The following NAA15 variants were observed in gnomAD, a reference collection of about 807,000 sequenced individuals.
The protein encoded by NAA15 is N-alpha-acetyltransferase 15, NatA auxiliary subunit.
NAA15 carries 34 observed loss-of-function variants against 114.0 expected under a neutral mutation model. That is an observed-to-expected ratio of 0.30 (90% confidence interval 0.23 to 0.40). The LOEUF (loss-of-function observed/expected upper bound fraction) is 0.40, where lower values mean the gene tolerates loss of function less well. Ranked by LOEUF, NAA15 falls within the 10% of genes least tolerant of loss-of-function variation. The pLI is 1.00. For missense variants in NAA15, 658 were observed against 1,004.5 expected, an observed-to-expected ratio of 0.66 and a Z score of 4.66; for synonymous variants, 340 against 338.0, an observed-to-expected ratio of 1.01 and a Z score of -0.06.
At chr4:139,377,193 C>T (rs12508302) in intron 16 of NAA15, among the ~76,000 whole-genome samples, 33,736 of 152,032 alleles carry the variant, frequency 0.22, 4,123 homozygotes, top group South Asian at 0.39. Context: ...AGTATATCTA[C>T]TAAAGGAAAT....
In NAA15 at chr4:139,315,093, C is replaced by T. The variant is rs1402224628; in HGVS notation, c.54+13262C>T. Among the ~76,000 whole-genome samples the T allele has an allele frequency of 3.4e-5, 4 of 118,284 alleles. No individual in the cohort carries two copies. The South Asian group carries it at 9.2e-4, about 27-fold the overall frequency. The allele number at this position is 118,284 out of a possible 152,430, so 77.6% of individuals were successfully genotyped here. A position where few individuals can be genotyped will look rare whatever the true frequency, so the allele number is the denominator to read the frequency against. ...TAGTTTAGTTTTTGAGACGGAGTCTCGCTCTTTCACCCAGGCTGGAGTGCA... is the reference window on the plus strand; with the variant it reads ...TAGTTTAGTTTTTGAGACGGAGTCTTGCTCTTTCACCCAGGCTGGAGTGCA... On this transcript the variant is annotated intron_variant, in intron 1 of 19. Transcript: ENST00000296543.
intron 11 of NAA15, among the ~76,000 whole-genome samples, chr4:139,358,149 TTAAG>T (rs1293386047): frequency 1.3e-5 from 2 of 151,862 alleles, no homozygotes; most frequent in African/African-American, 2.4e-5. Flanking sequence ...AATAATGAAA[TTAAG>T]TAATATTTAA....
At chr4:139,361,383 T>C (rs1307248296) in intron 13 of NAA15, among the ~76,000 whole-genome samples, 2 of 152,186 alleles carry the variant, frequency 1.3e-5, no homozygotes, top group Non-Finnish European at 2.9e-5. Flanking sequence ...ATGTTTAACA[T>C]GTGAGTCTAC....
At chr4:139,370,470 CTG>C (rs1423811118) in intron 15 of NAA15, 66 bp downstream of exon 15, 2 of 1,453,392 alleles carry the variant, frequency 1.4e-6, no homozygotes, top group Non-Finnish European at 1.8e-6. Flanking sequence ...CATTTTTATA[CTG>C]TCTTATTTGA....
chr4:139,321,921 C>T (rs1221991548), intron 1 of NAA15, among the ~76,000 whole-genome samples: 2 of 151,952 alleles, frequency 1.3e-5, no homozygotes, highest in Non-Finnish European at 2.9e-5. Context: ...ATTTCTTTCT[C>T]CTGTAGGTCA....
chr4:139,355,745 T>C (rs1167529425), intron 10 of NAA15, among the ~76,000 whole-genome samples: 2 of 152,188 alleles, frequency 1.3e-5, no homozygotes, highest in Non-Finnish European at 2.9e-5. Flanking sequence ...AGATTCAATA[T>C]TGTTTTGATG....
At position 139,378,780 on chromosome 4, in the gene NAA15, C is replaced by A; in HGVS notation, c.2081C>A (p.Ser694Ter). 2 of 1,561,338 alleles carry A rather than the reference C, an allele frequency of 1.3e-6. No homozygotes were observed. Among genetic ancestry groups the A allele is most frequent in the Non-Finnish European group, 1.7e-6 (2 of 1,162,288 alleles). Residue 694 changes from serine (S) to a stop codon, truncating the protein, a stop_gained, in exon 17 of 20, where the codon TCA becomes TAA. Coordinates refer to ENST00000296543, the MANE Select transcript of NAA15 (RefSeq NM_057175.5). LOFTEE classifies it high-confidence loss of function. ...RKEKFLLMLQ[S>*]VKRAFAIDSS... ...GAAAAGTTTCTTTTGATGCTACAAT[C>A]AGTAAAGAGGGCATTTGCTATTGAT...
At chr4:139,352,172 G>A (rs1331183449) in intron 9 of NAA15, among the ~76,000 whole-genome samples, 2 of 151,940 alleles carry the variant, frequency 1.3e-5, no homozygotes, top group African/African-American at 2.4e-5. Flanking sequence ...GTAGTGGCAT[G>A]ACCTCAGCTC....
intron 2 of NAA15, among the ~76,000 whole-genome samples, chr4:139,334,525 T>C (rs923250339): frequency 6.6e-6 from 1 of 152,220 alleles, no homozygotes; most frequent in Non-Finnish European, 1.5e-5. Context: ...AAATTTACTT[T>C]AGAACTTTGG....
rs1748582912 is a variant in NAA15, at chr4:139,376,419, G to T, written c.2002G>T (p.Val668Leu). Residue 668 changes from valine to leucine, a missense_variant, in exon 16 of 20, where the codon GTG (valine) becomes TTG (leucine). Val to Leu is a conservative substitution (Grantham distance 32). Coordinates refer to ENST00000296543, the MANE Select transcript of NAA15 (RefSeq NM_057175.5). Reference sequence around the variant, plus strand: ...ATTTTTAACACCGTTGAAGAACTTGGTGAAGAACAAGATAGAGACTCATCT... The same window carrying T: ...ATTTTTAACACCGTTGAAGAACTTGTTGAAGAACAAGATAGAGACTCATCT... ...IKFLTPLKNL[V>L]KNKIETHLFA... 11 of 1,613,246 alleles carry T rather than the reference G, an allele frequency of 6.8e-6. No homozygotes were observed. Among genetic ancestry groups the T allele is most frequent in the Non-Finnish European group, 9.3e-6 (11 of 1,179,580 alleles).
intron 5 of NAA15, among the ~76,000 whole-genome samples, chr4:139,343,944 C>A (rs528797893): frequency 6.6e-6 from 1 of 152,242 alleles, no homozygotes; most frequent in African/African-American, 2.4e-5. Flanking sequence ...TAAGAGCTTT[C>A]CCTTCTTCCC....
chr4:139,336,780 CTGT>C (rs1204407138), intron 2 of NAA15, 65 bp from the exon 3 acceptor site: 37 of 869,116 alleles, frequency 4.3e-5, no homozygotes, highest in African/African-American at 2.1e-4. Context: ...GATTATGGTT[CTGT>C]TGTTATTTAT....
chr4:139,374,566 T>A (rs913824698), intron 15 of NAA15, among the ~76,000 whole-genome samples: 1 of 152,194 alleles, frequency 6.6e-6, no homozygotes, highest in Non-Finnish European at 1.5e-5. Flanking sequence ...CTGCCTGTCT[T>A]CAGCTTAAAG....
chr4:139,301,854 G>A (rs1368167195), intron 1 of NAA15, 23 bp downstream of exon 1: 1 of 1,578,694 alleles, frequency 6.3e-7, no homozygotes, highest in Admixed American at 1.8e-5. Flanking sequence ...CTCCGGGCAA[G>A]CGGTGGGGAG....
intron 15 of NAA15, among the ~76,000 whole-genome samples, chr4:139,373,130 C>T (rs1397496452): frequency 1.3e-5 from 2 of 152,134 alleles, no homozygotes; most frequent in African/African-American, 4.8e-5. Flanking sequence ...GATCCACCCA[C>T]CTCAGCCTCC....
chr4:139,359,914 C>G lies in NAA15; in HGVS notation c.1410+19C>G, dbSNP rs1328821468. The G allele has an allele frequency of 1.3e-6, 2 of 1,547,576 alleles. No individual in the cohort carries two copies. Among genetic ancestry groups the G allele is most frequent in the Admixed American group, 2.4e-5 (1 of 41,614 alleles). On this transcript the variant is annotated intron_variant, in intron 12 of 19. Transcript: ENST00000296543. ...TACAAGGGTTTGTACAGCTAGTGTT[C>G]TTAATTATGAATAAAGAAGACATGA...
intron 6 of NAA15, among the ~76,000 whole-genome samples, chr4:139,348,453 A>C (rs1279438033): frequency 6.4e-5 from 5 of 77,664 alleles, no homozygotes; most frequent in Non-Finnish European, 1.1e-4. Flanking sequence ...ACTGTATCAC[A>C]AAAAAAAAAA....
chr4:139,362,058 G>C (rs1748148789), intron 14 of NAA15, 121 bp downstream of exon 14: 1 of 560,598 alleles, frequency 1.8e-6, no homozygotes, highest in Non-Finnish European at 2.9e-6. Context: ...TATTATACAA[G>C]GTTCTCTAAA....
chr4:139,325,233 TGG>T (rs1746758787), intron 1 of NAA15, among the ~76,000 whole-genome samples: 1 of 152,186 alleles, frequency 6.6e-6, no homozygotes, highest in Non-Finnish European at 1.5e-5. Context: ...ATTATAAGAC[TGG>T]GTAAGCAATG....
Sources: gnomAD v4.1 joint callset for allele counts (sites outside exome capture counted in the v4.1 genomes callset) on GRCh38, gnomAD v4.1.1 for gene constraint, MANE v1.5 for transcripts, NCBI Gene and HGNC (gene_info 2026-07-23, HGNC 2026-07-21) for gene names.